The following KLHL29 variants were observed in gnomAD, a reference collection of about 807,000 sequenced individuals.
The protein encoded by KLHL29 is kelch like family member 29, also known as kelch-like protein 29.
Under a neutral mutation model 80.4 loss-of-function variants are expected in KLHL29, and 21 were observed. That is an observed-to-expected ratio of 0.26 (90% confidence interval 0.19 to 0.38). KLHL29 has a LOEUF of 0.38. KLHL29 is among the 10% of genes least tolerant of loss of function. KLHL29 has a pLI of 1.00. For missense variants in KLHL29, 867 were observed against 1,223.9 expected, an observed-to-expected ratio of 0.71 and a Z score of 4.35; for synonymous variants, 511 against 526.8, an observed-to-expected ratio of 0.97 and a Z score of 0.41.
intron 3 of KLHL29, among the ~76,000 whole-genome samples, chr2:23,603,625 G>A (rs563171643): frequency 2.2e-4 from 33 of 152,318 alleles, no homozygotes; most frequent in Admixed American, 1.1e-3. Context: ...GAGGCTGGCC[G>A]GGAAAGCATA....
intron 2 of KLHL29, among the ~76,000 whole-genome samples, chr2:23,514,780 C>G (rs1665872642): frequency 6.6e-6 from 1 of 152,224 alleles, no homozygotes. Flanking sequence ...TCTAGTTTCT[C>G]TTTCATGAAA....
intron 3 of KLHL29, among the ~76,000 whole-genome samples, chr2:23,579,718 A>T (rs1185348712): frequency 6.6e-6 from 1 of 152,066 alleles, no homozygotes; most frequent in Admixed American, 6.5e-5. Context: ...CTAAATGTGC[A>T]GTTACTCCAT....
intron 5 of KLHL29, among the ~76,000 whole-genome samples, chr2:23,646,520 C>T (rs559974273): frequency 6.6e-6 from 1 of 152,344 alleles, no homozygotes; most frequent in South Asian, 2.1e-4. Context: ...AAGCCCGTGT[C>T]AACCTGAGCA....
intron 3 of KLHL29, among the ~76,000 whole-genome samples, chr2:23,618,264 G>C (rs934346851): frequency 1.3e-5 from 2 of 152,108 alleles, no homozygotes; most frequent in Non-Finnish European, 2.9e-5. Flanking sequence ...TGTAGTAGAT[G>C]GTGGGACAGT....
intron 1 of KLHL29, among the ~76,000 whole-genome samples, chr2:23,423,326 C>A (rs1662893216): frequency 6.6e-6 from 1 of 152,212 alleles, no homozygotes; most frequent in Non-Finnish European, 1.5e-5. Context: ...CCGGGCCTGA[C>A]CTCCCCAGGC....
intron 1 of KLHL29, among the ~76,000 whole-genome samples, chr2:23,470,848 C>CTGTCGTGAA (rs1664479311): frequency 6.6e-6 from 1 of 152,220 alleles, no homozygotes; most frequent in African/African-American, 2.4e-5. Context: ...GGCTCATGAA[C>CTGTCGTGAA]TGTCGTGAAC....
chr2:23,628,941 A>G (rs374110016), intron 3 of KLHL29, among the ~76,000 whole-genome samples: 1 of 152,292 alleles, frequency 6.6e-6, no homozygotes, highest in African/African-American at 2.4e-5. Context: ...AAAATGTCCT[A>G]TCAAAGGCCA....
intron 1 of KLHL29, among the ~76,000 whole-genome samples, chr2:23,428,346 G>A (rs116476534): frequency 0.01 from 1,536 of 152,296 alleles, 18 homozygotes; most frequent in African/African-American, 0.035. Context: ...GTGATGTTGC[G>A]AGGTAGGTGT....
intron 1 of KLHL29, among the ~76,000 whole-genome samples, chr2:23,453,156 T>G (rs901804890): frequency 7.9e-5 from 12 of 152,036 alleles, no homozygotes; most frequent in African/African-American, 2.9e-4. Flanking sequence ...TTCTTGTCTA[T>G]GCCTACGATG....
At chr2:23,603,718 C>T (rs1275591036) in intron 3 of KLHL29, among the ~76,000 whole-genome samples, 1 of 152,238 alleles carries the variant, frequency 6.6e-6, no homozygotes, top group African/African-American at 2.4e-5. Context: ...CAGGCCAGTC[C>T]AGCATTGTGT....
At chr2:23,449,846 C>T (rs1663819157) in intron 1 of KLHL29, among the ~76,000 whole-genome samples, 1 of 152,134 alleles carries the variant, frequency 6.6e-6, no homozygotes, top group Non-Finnish European at 1.5e-5. Context: ...ACCAAGCCCT[C>T]TGGAACCCTG....
rs549567719 is a variant in KLHL29, at chr2:23,469,978, C to T, written c.-153-5582C>T. Among the ~76,000 whole-genome samples, 76 of 145,630 alleles carry T rather than the reference C, an allele frequency of 5.2e-4. 1 individual carries two copies. The South Asian group carries it at 0.016, about 31-fold the overall frequency. On this transcript the variant is annotated intron_variant, in intron 1 of 13. Transcript: ENST00000486442. ...GTGGCAGGGCTGAGTTGGGTGAGTTCGAGTTCATTTCATTTTGGGGGGGTC... is the reference window on the plus strand; with the variant it reads ...GTGGCAGGGCTGAGTTGGGTGAGTTTGAGTTCATTTCATTTTGGGGGGGTC...
intron 5 of KLHL29, among the ~76,000 whole-genome samples, chr2:23,673,927 G>A (rs967289232): frequency 2.4e-4 from 36 of 152,270 alleles, no homozygotes; most frequent in African/African-American, 8.7e-4. Flanking sequence ...AACCATGTGT[G>A]CACACAGCAC....
chr2:23,487,204 A>C (rs1033529988), intron 2 of KLHL29, among the ~76,000 whole-genome samples: 1 of 152,056 alleles, frequency 6.6e-6, no homozygotes, highest in Non-Finnish European at 1.5e-5. Flanking sequence ...CAGCAAGACT[A>C]TGAGCCCTAG....
At chr2:23,496,560 AC>A (rs1219999746) in intron 2 of KLHL29, among the ~76,000 whole-genome samples, 2 of 151,944 alleles carry the variant, frequency 1.3e-5, no homozygotes, top group Middle Eastern at 3.2e-3. Flanking sequence ...CAGCAGCAGC[AC>A]CCCCTCTAAC....
At chr2:23,483,979 A>T (rs1281384516) in intron 2 of KLHL29, among the ~76,000 whole-genome samples, 2 of 152,206 alleles carry the variant, frequency 1.3e-5, no homozygotes, top group East Asian at 1.9e-4. Flanking sequence ...CAAGCCAGGC[A>T]TTGACCATCT....
chr2:23,609,913 C>G (rs1462928244), intron 3 of KLHL29, among the ~76,000 whole-genome samples: 1 of 152,168 alleles, frequency 6.6e-6, no homozygotes, highest in African/African-American at 2.4e-5. Context: ...CCCCTGACCC[C>G]CCACTTCTTT....
Position 23,526,299 on chromosome 2 carries a change from A to T in KLHL29, c.-45-35853A>T, listed in dbSNP as rs561227097. On this transcript the variant is annotated intron_variant, in intron 2 of 13. Coordinates refer to ENST00000486442, the MANE Select transcript of KLHL29 (RefSeq NM_052920.2). Reference sequence around the variant, plus strand: ...GAGGAAGCGTCACAGGGGAGGGGAAACCAGAGCTGTGGTCAGGGCATGCGG... The same window carrying T: ...GAGGAAGCGTCACAGGGGAGGGGAATCCAGAGCTGTGGTCAGGGCATGCGG... 4.8e-4 allele frequency among the ~76,000 whole-genome samples: 73 copies of T among 151,838 alleles called. 1 individual carries two copies. In the East Asian group the frequency reaches 0.014, roughly 28 times the overall value.
At chr2:23,590,359 C>T (rs1025149886) in intron 3 of KLHL29, among the ~76,000 whole-genome samples, 1 of 152,230 alleles carries the variant, frequency 6.6e-6, no homozygotes, top group South Asian at 2.1e-4. Context: ...GTCCTTCTCC[C>T]TGCTGTTTGT....
Sources: gnomAD v4.1 joint callset for allele counts (sites outside exome capture counted in the v4.1 genomes callset) on GRCh38, gnomAD v4.1.1 for gene constraint, MANE v1.5 for transcripts, NCBI Gene and HGNC (gene_info 2026-07-23, HGNC 2026-07-21) for gene names.